Variants in LAMB1 observed in about 807,000 individuals in gnomAD.
The protein encoded by LAMB1 is laminin subunit beta 1, also known as laminin subunit beta-1.
A neutral mutation model predicts 222.3 loss-of-function variants in LAMB1; 121 were observed. The ratio of observed to expected loss-of-function variants is 0.54; its 90% CI spans 0.47 to 0.63. The LOEUF (loss-of-function observed/expected upper bound fraction) is 0.63, where lower values mean the gene tolerates loss of function less well. Ranked by LOEUF, LAMB1 falls within the 30% of genes least tolerant of loss-of-function variation. The pLI is 0.00. For synonymous variants in LAMB1, 794 were observed against 807.2 expected (o/e 0.98, Z 0.28); for missense variants, 2,172 against 2,240.8 (o/e 0.97, Z 0.62).
chr7:107,958,136 G>GTACTTATT (rs1562988850), intron 20 of LAMB1, among the ~76,000 whole-genome samples: 1 of 151,646 alleles, frequency 6.6e-6, no homozygotes, highest in African/African-American at 2.4e-5. Flanking sequence ...TCTTTCTCTC[G>GTACTTATT]TACTTATTCT....
chr7:107,934,320 G>C (rs144551959), intron 27 of LAMB1, among the ~76,000 whole-genome samples: 2 of 152,306 alleles, frequency 1.3e-5, no homozygotes, highest in East Asian at 3.9e-4. Context: ...AAGCTGTAAT[G>C]AAGTTTGAAC....
chr7:108,000,375 C>T (rs983722952), intron 3 of LAMB1, among the ~76,000 whole-genome samples: 1 of 152,138 alleles, frequency 6.6e-6, no homozygotes, highest in Non-Finnish European at 1.5e-5. Flanking sequence ...AAAGTGACTC[C>T]ATTTTAAGGG....
intron 28 of LAMB1, 82 bp from the exon 29 acceptor site, chr7:107,931,582 G>T: frequency 3.8e-6 from 5 of 1,308,874 alleles, no homozygotes; most frequent in Middle Eastern, 1.8e-4. Flanking sequence ...GCTCAAAAAT[G>T]ATGTTGAAAA....
chr7:107,932,206 C>T lies in LAMB1; in HGVS notation c.4360G>A (p.Ala1454Thr). 1 of 1,614,236 alleles carries T rather than the reference C, an allele frequency of 6.2e-7. No homozygotes were observed. Among genetic ancestry groups the T allele is most frequent in the South Asian group, 1.1e-5 (1 of 91,088 alleles). The change falls in exon 28 of 34, where the codon GCC (alanine) becomes ACC (threonine). Residue 1454 changes from alanine (A) to threonine (T), a missense_variant. Coordinates refer to ENST00000222399, the MANE Select transcript of LAMB1 (RefSeq NM_002291.3). ...AMDLDQDVLSALAEVEQLSKM... is the reference protein window; with the variant it reads ...AMDLDQDVLSTLAEVEQLSKM... ...GAGAGCTGTTCCACTTCAGCCAGGGCACTCAGGACATCTTGGTCCAAGTCC... is the reference window on the plus strand; with the variant it reads ...GAGAGCTGTTCCACTTCAGCCAGGGTACTCAGGACATCTTGGTCCAAGTCC...
At chr7:107,965,354 C>T (rs1248709630) in intron 13 of LAMB1, among the ~76,000 whole-genome samples, 6 of 152,078 alleles carry the variant, frequency 3.9e-5, no homozygotes, top group East Asian at 1.9e-4. Flanking sequence ...CCGAGACAGG[C>T]GGATCACCTG....
rs140087518 is a variant in LAMB1 at position 107,975,281 on chromosome 7, T to C, written c.1322A>G (p.Lys441Arg). 10 of 1,613,982 alleles carry C rather than the reference T, an allele frequency of 6.2e-6. No homozygotes were observed. In the African/African-American group the frequency reaches 1.1e-4, roughly 17 times the overall value. Residue 441 changes from lysine to arginine, a missense_variant, in exon 11 of 34, where the codon AAA becomes AGA. Coordinates refer to ENST00000222399, the MANE Select transcript of LAMB1 (RefSeq NM_002291.3). The stretch of plus-strand genomic sequence containing the variant: ...ACTGCTTAAATCATAGAAGCCTTCT[T>C]TGCAAACATCACAATGTTCTCCTTC... ...NVEGEHCDVC[K>R]EGFYDLSSED... is the part of the protein sequence containing the mutation.
intron 24 of LAMB1, chr7:107,942,133 A>T (rs1235350664): frequency 6.6e-6 from 1 of 152,090 alleles, no homozygotes; most frequent in Non-Finnish European, 1.5e-5. Flanking sequence ...CTGGGACTAC[A>T]GGCATGCACC....
rs2033905723 is a variant in LAMB1 at position 107,978,179 on chromosome 7, T to C, written c.880-12A>G. The C allele has an allele frequency of 6.2e-7, 1 of 1,613,014 alleles. No homozygotes were observed. Among genetic ancestry groups the C allele is most frequent in the African/African-American group, 1.3e-5 (1 of 74,898 alleles). ...CAGTGTCCGTGAACCTTGAAAGTTATAAAAACAGGAGAGAACAAAGGAAGA... is the reference window on the plus strand; with the variant it reads ...CAGTGTCCGTGAACCTTGAAAGTTACAAAAACAGGAGAGAACAAAGGAAGA... On this transcript the variant is annotated splice_polypyrimidine_tract_variant and intron_variant, in intron 8 of 33. Coordinates refer to ENST00000222399, the MANE Select transcript of LAMB1 (RefSeq NM_002291.3).
chr7:107,995,702 A>T (rs1410034006), intron 4 of LAMB1, among the ~76,000 whole-genome samples: 1 of 152,194 alleles, frequency 6.6e-6, no homozygotes, highest in East Asian at 1.9e-4. Context: ...GGAATTCCAG[A>T]GATGGAAAGC....
Position 107,959,339 on chromosome 7 carries a change from C to A in LAMB1, c.2600G>T (p.Cys867Phe). 1 of 1,614,236 alleles carries A rather than the reference C, an allele frequency of 6.2e-7. No homozygotes were observed. Among genetic ancestry groups the A allele is most frequent in the Non-Finnish European group, 8.5e-7 (1 of 1,180,054 alleles). Residue 867 changes from cysteine (C) to phenylalanine (F), a missense_variant, in exon 20 of 34, where the codon TGC becomes TTC. Transcript: ENST00000222399. ...GHWGFPSCQP[C>F]QCNGHADDCD... ...GTCATCGGCGTGGCCATTGCACTGGCAGGGCTGGCAACTTGGAAAGCCCCA... is the reference window on the plus strand; with the variant it reads ...GTCATCGGCGTGGCCATTGCACTGGAAGGGCTGGCAACTTGGAAAGCCCCA...
intron 13 of LAMB1, among the ~76,000 whole-genome samples, chr7:107,966,249 C>T (rs555594546): frequency 8.3e-4 from 126 of 152,058 alleles, no homozygotes; most frequent in African/African-American, 2.8e-3. Context: ...CTCGCACTGT[C>T]GCCCACGCTG....
At position 107,937,649 on chromosome 7, in the gene LAMB1, A is replaced by G. The variant is rs138274875; in HGVS notation, c.3762-372T>C. Among the ~76,000 whole-genome samples, 16 of 152,310 alleles carry G rather than the reference A, an allele frequency of 1.1e-4. No individual in the cohort carries two copies. In the East Asian group the frequency reaches 3.1e-3, roughly 29 times the overall value. On this transcript the variant is annotated intron_variant, in intron 25 of 33. Coordinates refer to ENST00000222399, the MANE Select transcript of LAMB1 (RefSeq NM_002291.3). ...GAAAACTGAAGACATAAATGACTCC[A>G]GTTATACAATTAGGCCTCCCAGCCA...
intron 3 of LAMB1, among the ~76,000 whole-genome samples, chr7:107,998,905 G>A (rs1443068947): frequency 6.6e-6 from 1 of 152,198 alleles, no homozygotes; most frequent in African/African-American, 2.4e-5. Flanking sequence ...CAGTTCACTT[G>A]GCCTGATTTT....
chr7:107,951,000 G>T (rs762005396), intron 24 of LAMB1: 1 of 443,904 alleles, frequency 2.3e-6, no homozygotes, highest in Non-Finnish European at 4.1e-6. Flanking sequence ...AGGGTGTGAG[G>T]CCGGGAGAGT....
At position 107,962,991 on chromosome 7, in the gene LAMB1, C is replaced by T; in HGVS notation, c.1771G>A (p.Val591Met). The T allele has an allele frequency of 8.1e-6, 13 of 1,614,082 alleles. No individual in the cohort carries two copies. The highest frequency in any genetic ancestry group is 1.1e-5 in the Non-Finnish European group (13 of 1,179,950). The change falls in exon 15 of 34, where the codon GTG becomes ATG. Residue 591 changes from valine (V) to methionine (M), a missense_variant. Coordinates refer to ENST00000222399, the MANE Select transcript of LAMB1 (RefSeq NM_002291.3). ...PSWTGAGFVR[V>M]PEGAYLEFFI... The stretch of plus-strand genomic sequence containing the variant: ...AACTCCAAATAAGCCCCTTCAGGCA[C>T]TCGGACGAAGCCGGCTCCAGTCCAG...
chr7:108,001,368 T>C (rs2150458176), intron 3 of LAMB1, among the ~76,000 whole-genome samples, 190 bp downstream of exon 3: 1 of 152,318 alleles, frequency 6.6e-6, no homozygotes, highest in East Asian at 1.9e-4. Flanking sequence ...GCAGGAAATG[T>C]GTGGCGGATG....
At position 107,959,743 on chromosome 7, in the gene LAMB1, G is replaced by C; in HGVS notation, c.2406C>G (p.Thr802=). ...AAGTTCCAGGTGCACATCTGTTGCA[G>C]GTTCTTCCAACCACGTTGGGCCGGC... ...CQCRPNVVGR[T]CNRCAPGTFG... Residue 802 remains threonine, a synonymous_variant, in exon 19 of 34, where the codon ACC becomes ACG. Transcript: ENST00000222399. 2 of 1,614,216 alleles carry C rather than the reference G, an allele frequency of 1.2e-6. No individual in the cohort carries two copies. Among genetic ancestry groups the C allele is most frequent in the African/African-American group, 1.3e-5 (1 of 75,064 alleles).
At chr7:107,980,914 A>G (rs2033959895) in intron 7 of LAMB1, 103 bp from the exon 8 acceptor site, 1 of 665,836 alleles carries the variant, frequency 1.5e-6, no homozygotes, top group Admixed American at 2.7e-5. Flanking sequence ...TGACACATGA[A>G]AATAGCTTAA....
chr7:107,973,216 G>T, intron 12 of LAMB1, 145 bp from the exon 13 acceptor site: 4 of 716,086 alleles, frequency 5.6e-6, no homozygotes, highest in Non-Finnish European at 7.4e-6. Context: ...AAAGGAAGGA[G>T]TATTCTGAAA....
Sources: gnomAD v4.1 joint callset for allele counts (sites outside exome capture counted in the v4.1 genomes callset) on GRCh38, gnomAD v4.1.1 for gene constraint, MANE v1.5 for transcripts, NCBI Gene and HGNC (gene_info 2026-07-23, HGNC 2026-07-21) for gene names.